Variants in TAC4 observed in about 807,000 individuals in gnomAD.
TAC4 encodes tachykinin precursor 4.
In TAC4, 17 loss-of-function variants were observed where a neutral mutation model predicts 17.7. That is an observed-to-expected ratio of 0.96 (90% CI 0.66 to 1.44). The LOEUF (loss-of-function observed/expected upper bound fraction) is 1.44. Among genes scored for constraint, TAC4 ranks in the 40% most tolerant of loss-of-function variants. The pLI is 0.00. For synonymous variants in TAC4, 62 were observed against 52.4 expected (o/e 1.18, Z -0.79); for missense variants, 118 against 125.6 (o/e 0.94, Z 0.29).
intron 2 of TAC4, among the ~76,000 whole-genome samples, chr17:49,843,518 C>G (rs1401181063): frequency 8.5e-6 from 1 of 117,012 alleles, no homozygotes; most frequent in African/African-American, 3.0e-5. Flanking sequence ...GCCCGTGCTC[C>G]CCATTGTTGG....
chr17:49,847,142 C>A (rs1310730537), intron 1 of TAC4: 15 of 1,289,882 alleles, frequency 1.2e-5, no homozygotes, highest in Non-Finnish European at 1.5e-5. Context: ...GCCAAGGCCA[C>A]CCCAGTGTCC....
At chr17:49,843,104 G>C (rs544693312) in intron 2 of TAC4, among the ~76,000 whole-genome samples, 1 of 152,324 alleles carries the variant, frequency 6.6e-6, no homozygotes, top group South Asian at 2.1e-4. Context: ...TGCCTGAAAA[G>C]CGAGACTCTG....
intron 1 of TAC4, among the ~76,000 whole-genome samples, chr17:49,845,724 G>A (rs1049181015): frequency 6.6e-6 from 1 of 152,184 alleles, no homozygotes; most frequent in African/African-American, 2.4e-5. Context: ...TAGGGGTAGC[G>A]CTGGAGCTCC....
chr17:49,845,996 A>G (rs2074535399), intron 1 of TAC4: 2 of 242,496 alleles, frequency 8.2e-6, no homozygotes, highest in South Asian at 4.0e-5. Flanking sequence ...CATGAAAACC[A>G]CTTTGCCTTG....
chr17:49,842,885 T>C (rs1296450383), intron 2 of TAC4, among the ~76,000 whole-genome samples: 2 of 152,236 alleles, frequency 1.3e-5, no homozygotes, highest in Non-Finnish European at 2.9e-5. Flanking sequence ...TGTAACATGC[T>C]TTTTCCCACT....
chr17:49,839,301 C>T (rs1288919284), intron 4 of TAC4, among the ~76,000 whole-genome samples: 1 of 152,170 alleles, frequency 6.6e-6, no homozygotes, highest in African/African-American at 2.4e-5. Context: ...GACCTTTCCC[C>T]AACCTGATTG....
At chr17:49,846,429 A>G (rs1459292206) in intron 1 of TAC4, among the ~76,000 whole-genome samples, 1 of 152,100 alleles carries the variant, frequency 6.6e-6, no homozygotes, top group Non-Finnish European at 1.5e-5. Context: ...GATGTGCATC[A>G]TCATGCCTGG....
intron 1 of TAC4, chr17:49,847,364 C>T: frequency 2.2e-6 from 2 of 909,992 alleles, no homozygotes; most frequent in Non-Finnish European, 2.9e-6. Flanking sequence ...GATGCTGGGT[C>T]ATTTCTACAT....
chr17:49,843,882 C>T (rs1353989899), intron 2 of TAC4, among the ~76,000 whole-genome samples, 182 bp downstream of exon 2: 1 of 152,204 alleles, frequency 6.6e-6, no homozygotes, highest in Non-Finnish European at 1.5e-5. Flanking sequence ...ACATGAGCCA[C>T]TGCCCCCCAG....
intron 2 of TAC4, among the ~76,000 whole-genome samples, chr17:49,843,759 A>G (rs573955208): frequency 1.6e-4 from 25 of 151,930 alleles, no homozygotes; most frequent in African/African-American, 5.8e-4. Flanking sequence ...ATGTCTGTCT[A>G]ATTTTTGTAT....
At chr17:49,839,800 C>T (rs1337017512) in intron 4 of TAC4, 50 bp downstream of exon 4, 2 of 1,563,096 alleles carry the variant, frequency 1.3e-6, no homozygotes, top group Admixed American at 1.8e-5. Flanking sequence ...AGCAAAGTGT[C>T]TGGCCATTTT....
In TAC4 at chr17:49,838,593, G is replaced by A. The variant is rs1314736891; in HGVS notation, c.*49C>T. The A allele has an allele frequency of 6.2e-7, 1 of 1,612,370 alleles. No individual in the cohort carries two copies. Among genetic ancestry groups the A allele is most frequent in the Non-Finnish European group, 8.5e-7 (1 of 1,178,624 alleles). On this transcript the variant is annotated 3_prime_UTR_variant, in exon 5 of 5. Coordinates refer to ENST00000436235, the MANE Select transcript of TAC4 (RefSeq NM_001077506.2). ...CCGGCTTGTCAGCTGTGACATCCAG[G>A]TAGGAAGAAGCGGCACCGTGTCCTC... is the stretch of plus-strand genomic sequence containing the variant.
intron 1 of TAC4, 85 bp downstream of exon 1, chr17:49,847,828 A>G (rs1429438552): frequency 6.2e-7 from 1 of 1,607,108 alleles, no homozygotes; most frequent in East Asian, 2.2e-5. Flanking sequence ...GCAGCCATGC[A>G]GGGGATCTTC....
rs1450020713 is a variant in TAC4 at position 49,839,872 on chromosome 17, G to A, written c.270C>T (p.Gly90=). Reference sequence around the variant, plus strand: ...TACCTTCTGTGAACAGGCTTCTCTTGCCCAGGAGGCCCTGGAACGTGTGTT... The same window carrying A: ...TACCTTCTGTGAACAGGCTTCTCTTACCCAGGAGGCCCTGGAACGTGTGTT... The part of the protein sequence containing the change: ...QLEHTFQGLL[G]KRSLFTEGRE... Residue 90 remains glycine, a synonymous_variant, in exon 4 of 5, where the codon GGC becomes GGT. Coordinates refer to ENST00000436235, the MANE Select transcript of TAC4 (RefSeq NM_001077506.2). 6.2e-7 allele frequency: 1 copy of A among 1,612,160 alleles called. No individual in the cohort carries two copies. Among genetic ancestry groups the A allele is most frequent in the South Asian group, 1.1e-5 (1 of 90,376 alleles).
chr17:49,845,584 G>T (rs1030726294), intron 1 of TAC4, among the ~76,000 whole-genome samples: 10 of 152,194 alleles, frequency 6.6e-5, no homozygotes, highest in African/African-American at 2.2e-4. Flanking sequence ...AATAGGGAGG[G>T]GGCTGGGGAG....
rs1405690692 is a variant in TAC4 at position 49,847,144 on chromosome 17, C to G, written c.105+769G>C. The G allele has an allele frequency of 2.3e-6, 3 of 1,289,874 alleles. No individual in the cohort carries two copies. In the African/African-American group the frequency reaches 4.6e-5, roughly 20 times the overall value. The allele number at this position is 1,289,874 out of a possible 1,614,324, so 79.9% of individuals were successfully genotyped here. ...CCCAGGACCGCAAGCCAAGGCCACC[C>G]CAGTGTCCTTACCATCCTGGGAATG... On this transcript the variant is annotated intron_variant, in intron 1 of 4. Coordinates refer to ENST00000436235, the MANE Select transcript of TAC4 (RefSeq NM_001077506.2).
At chr17:49,839,994 C>A in intron 3 of TAC4, 85 bp from the exon 4 acceptor site, 1 of 1,374,026 alleles carries the variant, frequency 7.3e-7, no homozygotes, top group Non-Finnish European at 1.0e-6. Context: ...AAGGACAGGG[C>A]CAGGGCGAGG....
At chr17:49,844,248 T>C in intron 1 of TAC4, 91 bp from the exon 2 acceptor site, 2 of 1,236,806 alleles carry the variant, frequency 1.6e-6, no homozygotes, top group Non-Finnish European at 2.4e-6. Context: ...GAGTGACAGC[T>C]GGTGGTCAGC....
At chr17:49,839,110 A>C (rs1315858958) in intron 4 of TAC4, among the ~76,000 whole-genome samples, 2 of 152,096 alleles carry the variant, frequency 1.3e-5, no homozygotes, top group African/African-American at 4.8e-5. Flanking sequence ...TTTGTTATTG[A>C]GGTGACTTCC....
Sources: allele counts gnomAD v4.1 joint callset (sites outside exome capture counted in the v4.1 genomes callset), GRCh38; gene constraint gnomAD v4.1.1; transcripts MANE v1.5; gene names NCBI Gene and HGNC (gene_info 2026-07-23, HGNC 2026-07-21).